Variants in LMO7 observed in about 807,000 individuals in gnomAD.
LMO7 encodes the protein LIM domain 7.
Under a neutral mutation model 206.5 loss-of-function variants are expected in LMO7, and 120 were observed. The ratio of observed to expected loss-of-function variants is 0.58; its 90% CI spans 0.50 to 0.68. The LOEUF is 0.68. Among genes scored for constraint, LMO7 ranks in the 30% least tolerant of loss-of-function variants. The pLI, the probability that LMO7 is intolerant of heterozygous loss-of-function variation, is 0.00. For missense variants in LMO7, 1,959 were observed against 1,957.9 expected, an observed-to-expected ratio of 1.00 and a Z score of -0.01; for synonymous variants, 706 against 681.5, an observed-to-expected ratio of 1.04 and a Z score of -0.56.
At chr13:75,733,459 C>A (rs1000393973) in intron 3 of LMO7, among the ~76,000 whole-genome samples, 10 of 152,150 alleles carry the variant, frequency 6.6e-5, no homozygotes, top group African/African-American at 2.4e-4. Flanking sequence ...CCTGGTGCGC[C>A]GTTTTTTAAG....
At chr13:75,814,768 T>A (rs9600555) in intron 11 of LMO7, among the ~76,000 whole-genome samples, 41,370 of 151,894 alleles carry the variant, frequency 0.27, 6,656 homozygotes, top group South Asian at 0.38. Context: ...TCTGGTAAGG[T>A]GGTCAGAGAA....
chr13:75,653,744 A>G (rs1330122008), intron 1 of LMO7, among the ~76,000 whole-genome samples: 1 of 152,194 alleles, frequency 6.6e-6, no homozygotes, highest in African/African-American at 2.4e-5. Flanking sequence ...CAGGTCTATA[A>G]TGACAGAGTC....
intron 6 of LMO7, 93 bp from the exon 7 acceptor site, chr13:75,800,591 C>T (rs1411231964): frequency 2.2e-5 from 26 of 1,192,842 alleles, no homozygotes; most frequent in Non-Finnish European, 3.1e-5. Flanking sequence ...TAAAACCCAA[C>T]TTAAATTAGG....
chr13:75,709,947 C>T (rs1351813760), intron 1 of LMO7, among the ~76,000 whole-genome samples: 1 of 152,190 alleles, frequency 6.6e-6, no homozygotes, highest in South Asian at 2.1e-4. Context: ...ACATTTAAGT[C>T]TTTAATCCTT....
intron 1 of LMO7, among the ~76,000 whole-genome samples, chr13:75,684,547 CT>C (rs374482530): frequency 2.5e-3 from 327 of 128,942 alleles, no homozygotes; most frequent in Middle Eastern, 3.9e-3. Context: ...GCCCGGCCGG[CT>C]TTTTTTTTTT....
At chr13:75,724,940 T>C (rs1432642419) in intron 2 of LMO7, among the ~76,000 whole-genome samples, 1 of 152,152 alleles carries the variant, frequency 6.6e-6, no homozygotes, top group Admixed American at 6.6e-5. Flanking sequence ...CACATGTACT[T>C]GAAGGTTTAG....
At chr13:75,628,687 A>G (rs1055078419) in intron 2 of LMO7, 2 of 152,226 alleles carry the variant, frequency 1.3e-5, no homozygotes, top group Admixed American at 6.5e-5. Context: ...ATAACCAATC[A>G]AAGTACAAAA....
At chr13:75,629,183 G>A (rs1481070016) in intron 2 of LMO7, among the ~76,000 whole-genome samples, 1 of 152,256 alleles carries the variant, frequency 6.6e-6, no homozygotes, top group East Asian at 1.9e-4. Flanking sequence ...AGACCCTCCT[G>A]TAAGGAAATT....
chr13:75,805,252 A>G (rs2055289026), intron 8 of LMO7: 1 of 1,059,448 alleles, frequency 9.4e-7, no homozygotes, highest in African/African-American at 1.6e-5. Flanking sequence ...TCCTTTTAAC[A>G]CAGCTTCTAA....
intron 3 of LMO7, among the ~76,000 whole-genome samples, chr13:75,759,334 C>G (rs1158835535): frequency 6.6e-6 from 1 of 152,150 alleles, no homozygotes; most frequent in Admixed American, 6.5e-5. Flanking sequence ...ACCATCTTTT[C>G]TTGCCTGCTT....
intron 1 of LMO7, among the ~76,000 whole-genome samples, chr13:75,680,913 C>A (rs2040427690): frequency 1.3e-5 from 2 of 152,094 alleles, no homozygotes; most frequent in Non-Finnish European, 1.5e-5. Flanking sequence ...TTTCGCTAAT[C>A]ATCAGTGAGT....
At chr13:75,702,085 GA>G (rs2042321679) in intron 1 of LMO7, among the ~76,000 whole-genome samples, 3 of 152,150 alleles carry the variant, frequency 2.0e-5, no homozygotes, top group Admixed American at 6.5e-5. Flanking sequence ...TCGTGGACTA[GA>G]AATGTTTAAA....
chr13:75,708,186 A>T (rs1309240154), intron 1 of LMO7, among the ~76,000 whole-genome samples: 2 of 152,190 alleles, frequency 1.3e-5, no homozygotes, highest in African/African-American at 2.4e-5. Context: ...TAAGCAGGTG[A>T]TATTTTCCCT....
At chr13:75,812,988 A>T (rs2056580079) in intron 11 of LMO7, among the ~76,000 whole-genome samples, 1 of 152,212 alleles carries the variant, frequency 6.6e-6, no homozygotes, top group Non-Finnish European at 1.5e-5. Context: ...TGTGAGGCCG[A>T]CAGATAGGGA....
At chr13:75,654,875 TC>T (rs112929041) in intron 1 of LMO7, among the ~76,000 whole-genome samples, 1,450 of 111,260 alleles carry the variant, frequency 0.013, 23 homozygotes, top group African/African-American at 0.042. Context: ...TTCTCTTCTC[TC>T]TTTTTTTTTT....
At chr13:75,721,520 G>C (rs928199174) in intron 2 of LMO7, among the ~76,000 whole-genome samples, 1 of 152,158 alleles carries the variant, frequency 6.6e-6, no homozygotes, top group Non-Finnish European at 1.5e-5. Flanking sequence ...TAGAGGAAAA[G>C]TAAGCAAATT....
At chr13:75,721,386 G>T (rs774008867) in intron 2 of LMO7, among the ~76,000 whole-genome samples, 5 of 152,316 alleles carry the variant, frequency 3.3e-5, no homozygotes, top group South Asian at 2.1e-4. Flanking sequence ...AGGCGATGCT[G>T]TTTGGAGAGG....
chr13:75,626,595 A>ATATATTTTTTTTTTTTTTTTTTT, intron 2 of LMO7, among the ~76,000 whole-genome samples: 4 of 71,182 alleles, frequency 5.6e-5, no homozygotes, highest in Admixed American at 1.5e-4. Flanking sequence ...ATATATATAA[A>ATATATTTTTTTTTTTTTTTTTTT]TTTTTTTGAG....
At chr13:75,652,776 A>T (rs2037710423) in intron 1 of LMO7, among the ~76,000 whole-genome samples, 1 of 152,182 alleles carries the variant, frequency 6.6e-6, no homozygotes, top group Admixed American at 6.5e-5. Flanking sequence ...AACTTAAAAA[A>T]ACCTCACTTT....
Sources: allele counts gnomAD v4.1 joint callset (sites outside exome capture counted in the v4.1 genomes callset), GRCh38; gene constraint gnomAD v4.1.1; transcripts MANE v1.5; gene names NCBI Gene and HGNC (gene_info 2026-07-23, HGNC 2026-07-21).